Variants in TMEM117 observed in about 807,000 individuals in gnomAD.
The protein encoded by TMEM117 is transmembrane protein 117.
Under a neutral mutation model 52.4 loss-of-function variants are expected in TMEM117, and 27 were observed. The ratio of observed to expected loss-of-function variants is 0.51; its 90% CI spans 0.38 to 0.71. The LOEUF is 0.71. Ranked by LOEUF, TMEM117 falls within the 30% of genes least tolerant of loss-of-function variation. The probability of loss-of-function intolerance (pLI) is 0.00; values close to 1 mark genes in which losing one functional copy is unlikely to be tolerated. For missense variants in TMEM117, 556 were observed against 630.5 expected, an observed-to-expected ratio of 0.88 and a Z score of 1.26; for synonymous variants, 215 against 206.3, an observed-to-expected ratio of 1.04 and a Z score of -0.36.
At chr12:44,278,599 A>G (rs1186887845) in intron 5 of TMEM117, among the ~76,000 whole-genome samples, 1 of 152,232 alleles carries the variant, frequency 6.6e-6, no homozygotes, top group Non-Finnish European at 1.5e-5. Context: ...ATCCATCCTG[A>G]AAAGCAATGA....
At chr12:44,327,173 T>A (rs1196829162) in intron 6 of TMEM117, among the ~76,000 whole-genome samples, 2 of 151,954 alleles carry the variant, frequency 1.3e-5, no homozygotes, top group Non-Finnish European at 2.9e-5. Flanking sequence ...CAAAAAAAAA[T>A]GAAAATTCAA....
chr12:44,157,039 T>G (rs1358646920), intron 4 of TMEM117, among the ~76,000 whole-genome samples: 1 of 152,130 alleles, frequency 6.6e-6, no homozygotes, highest in African/African-American at 2.4e-5. Flanking sequence ...CAGATAATAT[T>G]TAAGTTTTCC....
intron 6 of TMEM117, among the ~76,000 whole-genome samples, chr12:44,364,939 G>T (rs1008125865): frequency 1.3e-5 from 2 of 152,076 alleles, no homozygotes; most frequent in Non-Finnish European, 2.9e-5. Context: ...TCACTAGTGG[G>T]CTCTAAATCA....
At chr12:44,059,275 T>C (rs931984661) in intron 3 of TMEM117, among the ~76,000 whole-genome samples, 35 of 152,172 alleles carry the variant, frequency 2.3e-4, no homozygotes, top group African/African-American at 8.2e-4. Flanking sequence ...ATGTATAGAT[T>C]TATAAAAAGT....
At chr12:43,943,860 G>A (rs951458181) in intron 2 of TMEM117, among the ~76,000 whole-genome samples, 1 of 152,114 alleles carries the variant, frequency 6.6e-6, no homozygotes, top group Non-Finnish European at 1.5e-5. Flanking sequence ...TTTACTGTTC[G>A]CTATGAACCA....
chr12:44,152,005 AAT>A (rs1491215144), intron 4 of TMEM117, among the ~76,000 whole-genome samples: 2 of 120,554 alleles, frequency 1.7e-5, no homozygotes, highest in Non-Finnish European at 3.2e-5. Context: ...TTATAAATAT[AAT>A]ATATATTATA....
chr12:44,168,264 AAG>A (rs1377818857), intron 4 of TMEM117, among the ~76,000 whole-genome samples: 4 of 152,020 alleles, frequency 2.6e-5, no homozygotes, highest in Admixed American at 2.0e-4. Context: ...AAAAAAAAAA[AAG>A]AGAAAAATCC....
chr12:44,283,003 G>A (rs140798934), intron 5 of TMEM117, among the ~76,000 whole-genome samples: 1,922 of 152,366 alleles, frequency 0.013, 46 homozygotes, highest in African/African-American at 0.042. Flanking sequence ...TTCAGAGGGC[G>A]GAAGCCCCAA....
intron 2 of TMEM117, among the ~76,000 whole-genome samples, chr12:43,850,888 T>C (rs991857675): frequency 6.6e-6 from 1 of 152,156 alleles, no homozygotes; most frequent in Non-Finnish European, 1.5e-5. Context: ...ATGATGATGA[T>C]GATGATGTTG....
intron 6 of TMEM117, among the ~76,000 whole-genome samples, chr12:44,310,247 C>T (rs992884879): frequency 1.3e-4 from 20 of 152,048 alleles, no homozygotes; most frequent in Admixed American, 2.6e-4. Context: ...AGTAATATGA[C>T]GGTATATAAA....
upstream of TMEM117, among the ~76,000 whole-genome samples, chr12:43,834,442 G>A (rs1043962234): frequency 3.9e-5 from 6 of 152,154 alleles, no homozygotes; most frequent in Admixed American, 1.3e-4. Flanking sequence ...AGTTCATAGC[G>A]TAGTGGGAGA....
intron 3 of TMEM117, among the ~76,000 whole-genome samples, chr12:43,994,676 A>C (rs1162952076): frequency 6.6e-6 from 1 of 152,090 alleles, no homozygotes; most frequent in African/African-American, 2.4e-5. Flanking sequence ...TTCCTTTTCA[A>C]TTAATTGAAA....
chr12:44,060,410 A>C (rs1947121670), intron 3 of TMEM117, among the ~76,000 whole-genome samples: 1 of 152,114 alleles, frequency 6.6e-6, no homozygotes, highest in Admixed American at 6.6e-5. Context: ...AAACTGGGAG[A>C]GTATTCTTGG....
chr12:43,895,968 A>T (rs960099820), intron 2 of TMEM117, among the ~76,000 whole-genome samples: 1 of 152,124 alleles, frequency 6.6e-6, no homozygotes, highest in Non-Finnish European at 1.5e-5. Flanking sequence ...TGCCTGCTTT[A>T]TTCTAGCCAC....
chr12:44,260,795 T>C (rs1391758962), intron 5 of TMEM117, among the ~76,000 whole-genome samples: 1 of 152,184 alleles, frequency 6.6e-6, no homozygotes, highest in Non-Finnish European at 1.5e-5. Flanking sequence ...GAAAACCATG[T>C]GCAAATCATA....
intron 5 of TMEM117, among the ~76,000 whole-genome samples, chr12:44,238,113 CAT>C (rs1471744467): frequency 2.6e-5 from 4 of 152,268 alleles, no homozygotes; most frequent in Admixed American, 6.5e-5. Context: ...TAAATTCTCA[CAT>C]CTCTTAAAAA....
intron 2 of TMEM117, among the ~76,000 whole-genome samples, chr12:43,870,395 G>A (rs1472523073): frequency 4.0e-5 from 6 of 151,808 alleles, no homozygotes; most frequent in Admixed American, 3.3e-4. Context: ...GAGTAGCTGG[G>A]ATTATAGGCA....
intron 6 of TMEM117, among the ~76,000 whole-genome samples, chr12:44,317,763 C>T (rs1442714572): frequency 8.5e-5 from 13 of 152,144 alleles, no homozygotes. Context: ...CAGCTCTGGC[C>T]AACGTGAACG....
intron 3 of TMEM117, among the ~76,000 whole-genome samples, chr12:44,015,033 GA>G (rs34596342): frequency 0.017 from 2,450 of 147,364 alleles, 51 homozygotes; most frequent in African/African-American, 0.056. Context: ...ACTTGGTTCA[GA>G]AAAAAAAAAT....
Sources: allele counts gnomAD v4.1 joint callset (sites outside exome capture counted in the v4.1 genomes callset), GRCh38; gene constraint gnomAD v4.1.1; transcripts MANE v1.5; gene names NCBI Gene and HGNC (gene_info 2026-07-23, HGNC 2026-07-21).